Variants in GUCY1A2 observed in about 807,000 individuals in gnomAD.
GUCY1A2 encodes the protein guanylate cyclase soluble subunit alpha-2.
In GUCY1A2, 27 loss-of-function variants were observed where a neutral mutation model predicts 63.5. The ratio of observed to expected loss-of-function variants is 0.43; its 90% CI spans 0.31 to 0.59. The LOEUF is 0.59. Among genes scored for constraint, GUCY1A2 ranks in the 20% least tolerant of loss-of-function variants. The pLI is 0.11. For synonymous variants in GUCY1A2, 364 were observed against 343.5 expected (o/e 1.06, Z -0.66); for missense variants, 768 against 913.3 (o/e 0.84, Z 2.05).
chr11:106,954,560 C>A (rs1860955993), intron 3 of GUCY1A2, among the ~76,000 whole-genome samples: 1 of 152,082 alleles, frequency 6.6e-6, no homozygotes, highest in Non-Finnish European at 1.5e-5. Flanking sequence ...TCCTAAATAT[C>A]CTTTTTAATT....
At chr11:106,755,538 T>A (rs1863958101) in intron 6 of GUCY1A2, among the ~76,000 whole-genome samples, 2 of 152,224 alleles carry the variant, frequency 1.3e-5, no homozygotes, top group Admixed American at 1.3e-4. Context: ...GTGATTCTGG[T>A]ACATTGTGTC....
intron 4 of GUCY1A2, among the ~76,000 whole-genome samples, chr11:106,908,516 C>A (rs1166201654): frequency 6.6e-6 from 1 of 151,008 alleles, no homozygotes; most frequent in Non-Finnish European, 1.5e-5. Context: ...GGAGTGAGAG[C>A]CGGTGACAAA....
chr11:106,786,224 AAAAC>A (rs1318039768), intron 5 of GUCY1A2, among the ~76,000 whole-genome samples: 1 of 152,154 alleles, frequency 6.6e-6, no homozygotes, highest in African/African-American at 2.4e-5. Context: ...GCTACAAACA[AAAAC>A]AAAAACAAAA....
At chr11:106,826,436 C>A (rs1364205767) in intron 4 of GUCY1A2, 34 of 1,570,784 alleles carry the variant, frequency 2.2e-5, no homozygotes, top group Non-Finnish European at 3.0e-5. Flanking sequence ...TCTAGCAGAT[C>A]TTCTCCATAT....
chr11:106,803,498 T>A (rs1858638861), intron 5 of GUCY1A2, among the ~76,000 whole-genome samples: 1 of 152,144 alleles, frequency 6.6e-6, no homozygotes, highest in African/African-American at 2.4e-5. Context: ...ATACACAATG[T>A]TTATGTACAT....
chr11:106,901,393 T>C (rs1025641133), intron 4 of GUCY1A2, among the ~76,000 whole-genome samples: 1 of 152,188 alleles, frequency 6.6e-6, no homozygotes, highest in Admixed American at 6.5e-5. Flanking sequence ...AATCAATGCC[T>C]TCCAAATTTC....
In GUCY1A2 at chr11:106,687,693, G is replaced by A. The variant is rs922713393; in HGVS notation, c.2055C>T (p.Asn685=). 2 of 1,613,442 alleles carry A rather than the reference G, an allele frequency of 1.2e-6. No individual in the cohort carries two copies. Among genetic ancestry groups the A allele is most frequent in the Non-Finnish European group, 8.5e-7 (1 of 1,179,378 alleles). The change falls in exon 8 of 8, where the codon AAC becomes AAT. Residue 685 remains asparagine, a synonymous_variant. Transcript: ENST00000526355. ...AGATCCCAGGAATTTCCTTTGGAAA[G>A]TTGTCTGGAAGCTCTTCACGAGACC... ...IPRSREELPD[N]FPKEIPGICY...
intron 4 of GUCY1A2, among the ~76,000 whole-genome samples, chr11:106,825,137 C>T (rs534258284): frequency 1.0e-3 from 157 of 151,896 alleles, no homozygotes; most frequent in Non-Finnish European, 1.3e-3. Context: ...TTAGAGATCA[C>T]GATTATATAA....
chr11:106,835,022 G>A (rs949127078), intron 4 of GUCY1A2, among the ~76,000 whole-genome samples: 1 of 151,676 alleles, frequency 6.6e-6, no homozygotes, highest in African/African-American at 2.4e-5. Context: ...TCAAATATAA[G>A]GTAACAATCA....
chr11:107,006,062 C>T (rs1176670864), intron 1 of GUCY1A2, among the ~76,000 whole-genome samples: 1 of 152,136 alleles, frequency 6.6e-6, no homozygotes, highest in African/African-American at 2.4e-5. Flanking sequence ...CTTCATAATC[C>T]TATGAATTGT....
At chr11:106,794,991 A>G (rs995266342) in intron 5 of GUCY1A2, among the ~76,000 whole-genome samples, 1 of 152,136 alleles carries the variant, frequency 6.6e-6, no homozygotes, top group Admixed American at 6.6e-5. Context: ...ATTTACAACA[A>G]TTTTCCACAT....
At chr11:106,965,709 T>C (rs1412961578) in intron 3 of GUCY1A2, among the ~76,000 whole-genome samples, 2 of 152,194 alleles carry the variant, frequency 1.3e-5, no homozygotes, top group African/African-American at 2.4e-5. Flanking sequence ...CAAATCTTCA[T>C]GGCCAGCACA....
chr11:106,927,377 A>G (rs947475197), intron 4 of GUCY1A2, among the ~76,000 whole-genome samples: 10 of 151,966 alleles, frequency 6.6e-5, no homozygotes, highest in African/African-American at 9.7e-5. Flanking sequence ...CGTCTCAAAA[A>G]AAAAATCAAG....
At chr11:106,933,623 T>C (rs977459944) in intron 4 of GUCY1A2, among the ~76,000 whole-genome samples, 2 of 152,190 alleles carry the variant, frequency 1.3e-5, no homozygotes, top group African/African-American at 2.4e-5. Context: ...TAAATCATTC[T>C]ACTCAAAAGA....
At chr11:106,731,986 T>C (rs1863513606) in intron 6 of GUCY1A2, among the ~76,000 whole-genome samples, 1 of 152,190 alleles carries the variant, frequency 6.6e-6, no homozygotes, top group Non-Finnish European at 1.5e-5. Context: ...AAGCAATTTA[T>C]AGATTCAATG....
chr11:106,701,102 G>A (rs1862809915), intron 7 of GUCY1A2, among the ~76,000 whole-genome samples: 1 of 152,042 alleles, frequency 6.6e-6, no homozygotes, highest in Non-Finnish European at 1.5e-5. Flanking sequence ...TTACCAGAAA[G>A]ATATGCATTC....
intron 4 of GUCY1A2, among the ~76,000 whole-genome samples, chr11:106,867,020 A>G (rs956058930): frequency 6.6e-6 from 1 of 152,072 alleles, no homozygotes; most frequent in African/African-American, 2.4e-5. Flanking sequence ...TCTTTAGAAT[A>G]CTATCTATGC....
intron 4 of GUCY1A2, among the ~76,000 whole-genome samples, chr11:106,855,831 GA>G (rs1859422090): frequency 6.6e-6 from 1 of 151,938 alleles, no homozygotes; most frequent in South Asian, 2.1e-4. Context: ...AATAAATTTT[GA>G]AATCAGAAAG....
chr11:106,955,831 T>C (rs567584750), intron 3 of GUCY1A2, among the ~76,000 whole-genome samples: 2 of 152,092 alleles, frequency 1.3e-5, no homozygotes, highest in Middle Eastern at 3.2e-3. Flanking sequence ...TCCTGAATTT[T>C]CATGTTGGCC....
Sources: gnomAD v4.1 joint callset for allele counts (sites outside exome capture counted in the v4.1 genomes callset) on GRCh38, gnomAD v4.1.1 for gene constraint, MANE v1.5 for transcripts, NCBI Gene and HGNC (gene_info 2026-07-23, HGNC 2026-07-21) for gene names.